BTG4: variants seen among roughly 807,000 people sequenced by gnomAD.
BTG4 encodes the protein BTG anti-proliferation factor 4.
In BTG4, 10 loss-of-function variants were observed where a neutral mutation model predicts 19.3. That is an observed-to-expected ratio of 0.52 (90% CI 0.32 to 0.88). BTG4 has a LOEUF of 0.88. BTG4 is among the 40% of genes least tolerant of loss of function. The pLI, the probability that BTG4 is intolerant of heterozygous loss-of-function variation, is 0.04. For synonymous variants in BTG4, 91 were observed against 95.7 expected, an observed-to-expected ratio of 0.95 and a Z score of 0.29; for missense variants, 238 against 281.9, an observed-to-expected ratio of 0.84 and a Z score of 1.11.
the BTG4 span, chr11:111,450,774 C>T: frequency 6.5e-6 from 1 of 152,676 alleles, no homozygotes; most frequent in African/African-American, 2.4e-5. Context: ...TGGGCCTGAC[C>T]TGACCAGATG....
At chr11:111,482,009 T>G (rs1864770383) in intron 5 of BTG4, among the ~76,000 whole-genome samples, 1 of 151,926 alleles carries the variant, frequency 6.6e-6, no homozygotes, top group South Asian at 2.1e-4. Flanking sequence ...GCATCCATAT[T>G]GGGAAAGAAA....
At chr11:111,502,520 C>A (rs1866158043) in intron 1 of BTG4, among the ~76,000 whole-genome samples, 1 of 152,068 alleles carries the variant, frequency 6.6e-6, no homozygotes, top group African/African-American at 2.4e-5. Context: ...GTAACTTTTG[C>A]AAAGATTATT....
rs138278547 is a variant in BTG4 at position 111,501,774 on chromosome 11, C to T, written c.-26-2972G>A. ...CACAAGTATTAAAATATTACATGTACCCCCAAAGTACATACAACTATTATA... is the reference window on the plus strand; with the variant it reads ...CACAAGTATTAAAATATTACATGTATCCCCAAAGTACATACAACTATTATA... On this transcript the variant is annotated intron_variant, in intron 1 of 4. Coordinates refer to ENST00000692032, the MANE Select transcript of BTG4 (RefSeq NM_001367975.1). Among the ~76,000 whole-genome samples the T allele has an allele frequency of 2.5e-3, 385 of 152,128 alleles. 3 individuals carry two copies. Among genetic ancestry groups the T allele is most frequent in the African/African-American group, 9.0e-3 (372 of 41,514 alleles).
the BTG4 span, chr11:111,416,312 CTT>C: frequency 2.0e-5 from 3 of 152,108 alleles, no homozygotes; most frequent in Non-Finnish European, 4.4e-5. Context: ...CTCTCCCTCT[CTT>C]TCTCTCTCTC....
chr11:111,407,658 G>A, the BTG4 span, among the ~76,000 whole-genome samples: 12 of 152,198 alleles, frequency 7.9e-5, no homozygotes, highest in African/African-American at 2.4e-4. Context: ...GGGACAGAGC[G>A]AGACTCCATC....
At chr11:111,406,930 C>T in the BTG4 span, among the ~76,000 whole-genome samples, 3 of 152,128 alleles carry the variant, frequency 2.0e-5, no homozygotes, top group Non-Finnish European at 4.4e-5. Context: ...ATTTCACATC[C>T]TACTCTTGCT....
chr11:111,417,445 AG>A, the BTG4 span: 1 of 152,194 alleles, frequency 6.6e-6, no homozygotes, highest in East Asian at 1.9e-4. Context: ...CCGTACTGGG[AG>A]GAGGGGACCC....
the BTG4 span, among the ~76,000 whole-genome samples, chr11:111,429,632 A>C: frequency 6.6e-6 from 1 of 152,244 alleles, no homozygotes; most frequent in African/African-American, 2.4e-5. Context: ...AGATAGTTTT[A>C]GGAAATTCAG....
chr11:111,436,739 C>T, the BTG4 span, among the ~76,000 whole-genome samples: 1 of 152,174 alleles, frequency 6.6e-6, no homozygotes, highest in Admixed American at 6.5e-5. Context: ...GGGCAGGCGG[C>T]TAGCCCAGCC....
intron 1 of BTG4, among the ~76,000 whole-genome samples, chr11:111,501,549 C>G (rs1866082131): frequency 6.6e-6 from 1 of 151,998 alleles, no homozygotes; most frequent in African/African-American, 2.4e-5. Flanking sequence ...TATAGTATTC[C>G]AGTACAGCAG....
At chr11:111,391,079 G>C in the BTG4 span, among the ~76,000 whole-genome samples, 2 of 152,190 alleles carry the variant, frequency 1.3e-5, no homozygotes, top group Non-Finnish European at 2.9e-5. Flanking sequence ...GCTCGATAAA[G>C]TCTCATTGAT....
downstream of BTG4, among the ~76,000 whole-genome samples, chr11:111,465,628 T>C (rs1193730989): frequency 1.3e-5 from 2 of 152,122 alleles, no homozygotes; most frequent in African/African-American, 2.4e-5. Flanking sequence ...CCAAGAGTCT[T>C]TCCCCAGACC....
intron 1 of BTG4, among the ~76,000 whole-genome samples, chr11:111,505,593 T>TCCAAACA (rs1270006494): frequency 9.2e-5 from 14 of 151,886 alleles, no homozygotes; most frequent in Non-Finnish European, 1.2e-4. Flanking sequence ...TGATGAAGAT[T>TCCAAACA]CCAAACACAA....
the BTG4 span, among the ~76,000 whole-genome samples, chr11:111,441,591 T>C: frequency 6.6e-6 from 1 of 152,220 alleles, no homozygotes; most frequent in African/African-American, 2.4e-5. Flanking sequence ...TTATAATATA[T>C]CCATGCCTCT....
intron 5 of BTG4, among the ~76,000 whole-genome samples, chr11:111,481,328 T>C (rs769340027): frequency 1.4e-4 from 21 of 151,852 alleles, no homozygotes; most frequent in Non-Finnish European, 2.1e-4. Context: ...CAGGCCCAGA[T>C]AGCTTCATAA....
chr11:111,401,649 G>C, the BTG4 span, among the ~76,000 whole-genome samples: 1 of 152,190 alleles, frequency 6.6e-6, no homozygotes, highest in Non-Finnish European at 1.5e-5. Flanking sequence ...AAAAAAATTT[G>C]TCAACTAGCA....
chr11:111,446,638 C>CACACAT, the BTG4 span, among the ~76,000 whole-genome samples: 1 of 151,906 alleles, frequency 6.6e-6, no homozygotes, highest in Non-Finnish European at 1.5e-5. Context: ...CACACACACA[C>CACACAT]ACACACACAC....
At chr11:111,461,417 G>A in the BTG4 span, among the ~76,000 whole-genome samples, 13 of 152,150 alleles carry the variant, frequency 8.5e-5, no homozygotes, top group Admixed American at 2.6e-4. Flanking sequence ...CCAGGAGGGA[G>A]GGAGGAACCA....
the BTG4 span, chr11:111,417,436 C>T: frequency 1.3e-5 from 2 of 152,312 alleles, no homozygotes; most frequent in South Asian, 2.1e-4. Context: ...CCACACAGTC[C>T]GTACTGGGAG....
Sources: gnomAD v4.1 joint callset for allele counts (sites outside exome capture counted in the v4.1 genomes callset) on GRCh38, gnomAD v4.1.1 for gene constraint, MANE v1.5 for transcripts, NCBI Gene and HGNC (gene_info 2026-07-23, HGNC 2026-07-21) for gene names.